Variants in FANCD2OS observed in about 807,000 individuals in gnomAD.
FANCD2OS encodes FANCD2 opposite strand protein.
Under a neutral mutation model 13.2 loss-of-function variants are expected in FANCD2OS, and 11 were observed. That is an observed-to-expected ratio of 0.83 (90% CI 0.52 to 1.38). The LOEUF is 1.38. Among genes scored for constraint, FANCD2OS ranks in the 40% most tolerant of loss-of-function variants. The pLI is 0.00. For missense variants in FANCD2OS, 217 were observed against 213.9 expected (o/e 1.01, Z -0.09); for synonymous variants, 69 against 84.5 (o/e 0.82, Z 1.01).
chr3:10,101,495 C>T, downstream of FANCD2OS: 3 of 483,282 alleles, frequency 6.2e-6, no homozygotes, highest in East Asian at 3.5e-5. Flanking sequence ...AAGCGATTCT[C>T]CTGCCTCAGC....
At chr3:10,092,225 C>G in intron 2 of FANCD2OS, 1 of 1,613,814 alleles carries the variant, frequency 6.2e-7, no homozygotes, top group South Asian at 1.1e-5. Flanking sequence ...CTGTTCGAGA[C>G]TTCAGTATCC....
chr3:10,091,985 T>C (rs1324327674), intron 2 of FANCD2OS, among the ~76,000 whole-genome samples: 1 of 152,224 alleles, frequency 6.6e-6, no homozygotes, highest in East Asian at 1.9e-4. Flanking sequence ...AGTCTGTCCC[T>C]ATGAGGTGTT....
intron 2 of FANCD2OS, among the ~76,000 whole-genome samples, chr3:10,089,459 T>C (rs1485396961): frequency 6.6e-6 from 1 of 152,030 alleles, no homozygotes; most frequent in Non-Finnish European, 1.5e-5. Flanking sequence ...GAGAGGACCA[T>C]GGTGGTTTTT....
rs368471033 is a variant in FANCD2OS, at chr3:10,090,267, C to G, written c.*44-8736G>C. 3 of 1,540,510 alleles carry G rather than the reference C, an allele frequency of 1.9e-6. No individual in the cohort carries two copies. The African/African-American group carries it at 4.1e-5, about 21-fold the overall frequency. On this transcript the variant is annotated intron_variant, in intron 2 of 2. Transcript: ENST00000524279. ...TCTAAGCAGTGCATCATGGTGTGGG[C>G]ACGCATGCTTTTCCCGTCTTCTAGG...
intron 2 of FANCD2OS, chr3:10,087,136 A>G: frequency 6.2e-7 from 1 of 1,614,124 alleles, no homozygotes; most frequent in Non-Finnish European, 8.5e-7. Context: ...CCTTACAGCC[A>G]GAGCGTCCAT....
chr3:10,082,283 T>C (rs998103900), intron 2 of FANCD2OS, among the ~76,000 whole-genome samples: 14 of 152,278 alleles, frequency 9.2e-5, no homozygotes, highest in African/African-American at 3.4e-4. Context: ...TATTTTCTGT[T>C]ATAAATAACA....
At chr3:10,083,507 G>A (rs1490598330) in intron 2 of FANCD2OS, 1 of 152,132 alleles carries the variant, frequency 6.6e-6, no homozygotes, top group Non-Finnish European at 1.5e-5. Context: ...TTGGGAAATA[G>A]TTTGGTAGTT....
chr3:10,098,891 A>G (rs1244284915), downstream of FANCD2OS: 3 of 1,614,080 alleles, frequency 1.9e-6, no homozygotes, highest in African/African-American at 2.7e-5. Flanking sequence ...GTGGAGCAGA[A>G]CTTTGCCTAC....
downstream of FANCD2OS, chr3:10,099,430 C>A: frequency 1.4e-6 from 1 of 709,816 alleles, no homozygotes; most frequent in Non-Finnish European, 1.8e-6. Flanking sequence ...CAAGGCAAAG[C>A]TGCACAACAT....
intron 2 of FANCD2OS, chr3:10,092,270 T>C (rs1209755883): frequency 6.4e-7 from 1 of 1,573,374 alleles, no homozygotes; most frequent in South Asian, 1.1e-5. Flanking sequence ...TGGAGACTGC[T>C]TGACACATCT....
At chr3:10,100,599 T>G (rs1308507932), downstream of FANCD2OS, among the ~76,000 whole-genome samples, 5 of 152,170 alleles carry the variant, frequency 3.3e-5, no homozygotes, top group African/African-American at 1.2e-4. Context: ...CTCGAACTCC[T>G]AACCTCAGAT....
chr3:10,096,511 T>TA (rs1190732488), intron 2 of FANCD2OS: 2 of 1,603,370 alleles, frequency 1.2e-6, no homozygotes, highest in Non-Finnish European at 1.7e-6. Context: ...CCCCTACTCT[T>TA]ATTCTTTGTG....
intron 2 of FANCD2OS, among the ~76,000 whole-genome samples, chr3:10,091,607 T>C (rs1190079268): frequency 6.6e-6 from 1 of 151,960 alleles, no homozygotes; most frequent in Non-Finnish European, 1.5e-5. Context: ...ACAGGCTGGC[T>C]TACCTCATGC....
intron 2 of FANCD2OS, chr3:10,090,209 G>A: frequency 1.1e-6 from 1 of 952,280 alleles, no homozygotes; most frequent in Non-Finnish European, 1.7e-6. Context: ...AGGGAAGGAA[G>A]CTACTTTTGG....
intron 2 of FANCD2OS, among the ~76,000 whole-genome samples, chr3:10,085,455 A>ATGGG (rs1349127442): frequency 1.3e-5 from 2 of 149,464 alleles, no homozygotes; most frequent in African/African-American, 5.0e-5. Context: ...GCAGTGGCAC[A>ATGGG]ATCTCGGCTC....
At chr3:10,085,202 T>C (rs2125067905) in intron 2 of FANCD2OS, among the ~76,000 whole-genome samples, 1 of 152,192 alleles carries the variant, frequency 6.6e-6, no homozygotes, top group East Asian at 1.9e-4. Context: ...TTTTTGCCCT[T>C]CAAAGTAAAC....
chr3:10,095,114 T>C, intron 2 of FANCD2OS: 1 of 1,162,194 alleles, frequency 8.6e-7, no homozygotes, highest in Non-Finnish European at 1.3e-6. Context: ...GTTTATCCTC[T>C]TTGGAGCTTT....
At chr3:10,087,678 C>T (rs35274744) in intron 2 of FANCD2OS, among the ~76,000 whole-genome samples, 1,825 of 151,980 alleles carry the variant, frequency 0.012, 47 homozygotes, top group African/African-American at 0.04. Context: ...GACAGAGTCT[C>T]GTTCTGTCAC....
At position 10,104,518 on chromosome 3, in the gene FANCD2OS, C is replaced by A. The variant is rs746470632; in HGVS notation, c.257G>T (p.Gly86Val). The A allele has an allele frequency of 6.2e-7, 1 of 1,614,144 alleles. No homozygotes were observed. ...GATGGGCTGGGGCTTCCTGACCAGTCCTTTGTTGTTCATCGTGCGCAACTC... is the reference window on the plus strand; with the variant it reads ...GATGGGCTGGGGCTTCCTGACCAGTACTTTGTTGTTCATCGTGCGCAACTC... ...TSELRTMNNK[G>V]LVRKPQPIRL... The change falls in exon 2 of 2, where the codon GGA becomes GTA. Residue 86 changes from glycine (G) to valine (V), a missense_variant. Transcript: ENST00000450660.
Sources: gnomAD v4.1 joint callset for allele counts (sites outside exome capture counted in the v4.1 genomes callset) on GRCh38, gnomAD v4.1.1 for gene constraint, MANE v1.5 for transcripts, NCBI Gene and HGNC (gene_info 2026-07-23, HGNC 2026-07-21) for gene names.